ATP1A1: variants seen among roughly 807,000 people sequenced by gnomAD.
ATP1A1 encodes the protein ATPase Na+/K+ transporting subunit alpha 1.
Under a neutral mutation model 114.8 loss-of-function variants are expected in ATP1A1, and 14 were observed. The ratio of observed to expected loss-of-function variants is 0.12; its 90% CI spans 0.08 to 0.19. The LOEUF is 0.19. Among genes scored for constraint, ATP1A1 ranks in the 10% least tolerant of loss-of-function variants. ATP1A1 has a pLI of 1.00. For missense variants in ATP1A1, 524 were observed against 1,290.7 expected, an observed-to-expected ratio of 0.41 and a Z score of 9.10; for synonymous variants, 471 against 466.3, an observed-to-expected ratio of 1.01 and a Z score of -0.13.
Position 116,388,674 on chromosome 1 carries a change from A to G in ATP1A1, c.538A>G (p.Ile180Val), listed in dbSNP as rs1476953195. The G allele has an allele frequency of 3.1e-6, 5 of 1,614,248 alleles. No individual in the cohort carries two copies. The East Asian group carries it at 8.9e-5, about 29-fold the overall frequency. The change falls in exon 6 of 23, where the codon ATA (isoleucine) becomes GTA (valine). Residue 180 changes from isoleucine to valine, a missense_variant. Physicochemically the swap from Ile to Val is conservative, Grantham distance 29. Coordinates refer to ENST00000295598, the MANE Select transcript of ATP1A1 (RefSeq NM_000701.8). The surrounding 1 kb of genome is among the most constrained non-coding windows in gnomAD (Gnocchi z 5.6). ...GATTCGAAATGGTGAGAAAATGAGCATAAATGCGGAGGAAGTTGTGGTTGG... is the reference window on the plus strand; with the variant it reads ...GATTCGAAATGGTGAGAAAATGAGCGTAAATGCGGAGGAAGTTGTGGTTGG... ...LVIRNGEKMSINAEEVVVGDL... is the reference protein window; with the variant it reads ...LVIRNGEKMSVNAEEVVVGDL...
At chr1:116,374,298 G>A in intron 1 of ATP1A1, 1 of 1,550,276 alleles carries the variant, frequency 6.5e-7, no homozygotes. Context: ...TGCACCGATG[G>A]CAACTGGAGT....
chr1:116,397,978 A>G lies in ATP1A1; in HGVS notation c.2064A>G (p.Ile688Met). The G allele has an allele frequency of 6.2e-7, 1 of 1,613,930 alleles. No individual in the cohort carries two copies. The highest frequency in any genetic ancestry group is 8.5e-7 in the Non-Finnish European group (1 of 1,180,008). ...ACATTTTGAAGTACCACACTGAGAT[A>G]GTGTTTGCCAGGACCTCCCCTCAGC... Reference protein sequence around the residue: ...LDDILKYHTEIVFARTSPQQK... With the variant: ...LDDILKYHTEMVFARTSPQQK... Residue 688 changes from isoleucine to methionine, a missense_variant, in exon 15 of 23, where the codon ATA (isoleucine) becomes ATG (methionine). By Grantham distance (10) the Ile-to-Met change is conservative. This residue lies in a region of ATP1A1 where 47 missense variants were observed against 79.8 expected (regional missense o/e 0.59). Transcript: ENST00000295598. This position sits in a 1 kb window ranked among gnomAD's most constrained non-coding sequence, Gnocchi z 4.2.
intron 1 of ATP1A1, chr1:116,374,021 G>GCC (rs1291007619): frequency 2.4e-5 from 31 of 1,281,910 alleles, no homozygotes; most frequent in Non-Finnish European, 2.0e-5. Context: ...CTCCGCCGGG[G>GCC]CCTCCTCCCG....
intron 3 of ATP1A1, chr1:116,386,159 G>GAAAA (rs1553190495): frequency 1.4e-4 from 16 of 111,506 alleles, no homozygotes; most frequent in Non-Finnish European, 3.1e-4. Context: ...AAAAAAAAAG[G>GAAAA]AGAGAAGAAC....
chr1:116,401,411 C>G lies in ATP1A1; in HGVS notation c.2850-143C>G. 1 of 1,474,230 alleles carries G rather than the reference C, an allele frequency of 6.8e-7. No homozygotes were observed. The highest frequency in any genetic ancestry group is 1.4e-5 in the African/African-American group (1 of 70,942). The allele number at this position is 1,474,230 out of a possible 1,614,324, so 91.3% of individuals were successfully genotyped here. A position where few individuals can be genotyped will look rare whatever the true frequency, so the allele number is the denominator to read the frequency against. Reference sequence around the variant, plus strand: ...CAAATTTAGGAAGCAAGAAATGTAGCTTTCTAGTTTTTTCATCTGACCTCC... The same window carrying G: ...CAAATTTAGGAAGCAAGAAATGTAGGTTTCTAGTTTTTTCATCTGACCTCC... On this transcript the variant is annotated intron_variant, in intron 20 of 22. Coordinates refer to ENST00000295598, the MANE Select transcript of ATP1A1 (RefSeq NM_000701.8). This position sits in a 1 kb window ranked among gnomAD's most constrained non-coding sequence, Gnocchi z 4.7.
chr1:116,374,199 G>A (rs1651197547), intron 1 of ATP1A1: 1 of 1,550,912 alleles, frequency 6.4e-7, no homozygotes, highest in Non-Finnish European at 8.7e-7. Flanking sequence ...GCGGGCTGGT[G>A]CCAGAAAGGG....
chr1:116,386,152 A>T (rs1475899425), intron 3 of ATP1A1: 1 of 151,876 alleles, frequency 6.6e-6, no homozygotes, highest in African/African-American at 2.5e-5. Context: ...AAAAAAAAAA[A>T]AAAAAGGAGA....
chr1:116,403,333 G>C (rs930313988), intron 21 of ATP1A1, among the ~76,000 whole-genome samples: 5 of 152,144 alleles, frequency 3.3e-5, no homozygotes, highest in African/African-American at 9.7e-5. Flanking sequence ...TCAGCCTCCA[G>C]GCCCCTTGGA....
At position 116,386,549 on chromosome 1, in the gene ATP1A1, A is replaced by AT. The variant is rs959338846; in HGVS notation, c.184-729dup. On this transcript the variant is annotated intron_variant, in intron 3 of 22. Coordinates refer to ENST00000295598, the MANE Select transcript of ATP1A1 (RefSeq NM_000701.8). ...TAGATACTTTAGACAAAAATATTTT[A>AT]TTTTTTTTTTGACTTGTTATTTTGA... 2.3e-4 allele frequency among the ~76,000 whole-genome samples: 34 copies of AT among 149,940 alleles called. 1 individual carries two copies. The South Asian group carries it at 4.4e-3, about 20-fold the overall frequency.
In ATP1A1 at chr1:116,399,137, T is replaced by G; in HGVS notation, c.2448+53T>G. ...TAGTAGTGAGGTGTGAGCTGTGTCT[T>G]CATTCACTGGCACTATGCTCCCAGC... is the stretch of plus-strand genomic sequence containing the variant. On this transcript the variant is annotated intron_variant, in intron 17 of 22. Coordinates refer to ENST00000295598, the MANE Select transcript of ATP1A1 (RefSeq NM_000701.8). This position sits in a 1 kb window ranked among gnomAD's most constrained non-coding sequence, Gnocchi z 5.0. The G allele has an allele frequency of 6.2e-7, 1 of 1,607,648 alleles. No individual in the cohort carries two copies. The highest frequency in any genetic ancestry group is 8.5e-7 in the Non-Finnish European group (1 of 1,174,804).
chr1:116,398,844 A>C lies in ATP1A1; in HGVS notation c.2293+55A>C, dbSNP rs113806974. ...TCTTATTCAGATACTGCCCATTAGC[A>C]TCCATTTCTGTATACTTCTTGGATA... On this transcript the variant is annotated intron_variant, in intron 16 of 22. Coordinates refer to ENST00000295598, the MANE Select transcript of ATP1A1 (RefSeq NM_000701.8). The surrounding 1 kb of genome is among the most constrained non-coding windows in gnomAD (Gnocchi z 6.1). The C allele has an allele frequency of 1.3e-3, 2,040 of 1,609,854 alleles. 33 individuals carry two copies. The African/African-American group carries it at 0.024, about 19-fold the overall frequency.
rs112320858 is a variant in ATP1A1 at position 116,380,929 on chromosome 1, G to GA, written c.13-3074dup. On this transcript the variant is annotated intron_variant, in intron 1 of 22. Coordinates refer to ENST00000295598, the MANE Select transcript of ATP1A1 (RefSeq NM_000701.8). Reference sequence around the variant, plus strand: ...ACTTCCTAAATTAGAATGGAAGGGGGAAAAAAAAAAACCATAACCCAACTT... The same window carrying GA: ...ACTTCCTAAATTAGAATGGAAGGGGGAAAAAAAAAAAACCATAACCCAACTT... Among the ~76,000 whole-genome samples the GA allele has an allele frequency of 3.2e-3, 464 of 144,760 alleles. 7 individuals carry two copies. The highest frequency in any genetic ancestry group is 2.8e-3 in the East Asian group (14 of 5,038). The allele number at this position is 144,760 out of a possible 152,430, so 95.0% of individuals were successfully genotyped here. A position where few individuals can be genotyped will look rare whatever the true frequency, so the allele number is the denominator to read the frequency against.
chr1:116,389,867 G>T lies in ATP1A1; in HGVS notation c.1023+160G>T. The T allele has an allele frequency of 9.1e-7, 1 of 1,096,448 alleles. No homozygotes were observed. The highest frequency in any genetic ancestry group is 1.3e-6 in the Non-Finnish European group (1 of 785,442). The allele number at this position is 1,096,448 out of a possible 1,614,324, so 67.9% of individuals were successfully genotyped here. On this transcript the variant is annotated intron_variant, in intron 8 of 22. Transcript: ENST00000295598. This position sits in a 1 kb window ranked among gnomAD's most constrained non-coding sequence, Gnocchi z 6.9. ...ATCACGTGGTGAATTTTGACAGTGAGAAAACCTCAGCATTTGTTTATACGT... is the reference window on the plus strand; with the variant it reads ...ATCACGTGGTGAATTTTGACAGTGATAAAACCTCAGCATTTGTTTATACGT...
chr1:116,397,891 T>C lies in ATP1A1; in HGVS notation c.1977T>C (p.Asp659=), dbSNP rs1317814404. ...TTTTTTTTTGTCCTAATTCTAGGGATGCCAAGGCCTGCGTAGTACACGGCA... is the reference window on the plus strand; with the variant it reads ...TTTTTTTTTGTCCTAATTCTAGGGACGCCAAGGCCTGCGTAGTACACGGCA... ...NIPVSQVNPR[D]AKACVVHGSD... Residue 659 remains aspartate (D), a synonymous_variant, in exon 15 of 23, where the codon GAT becomes GAC. Transcript: ENST00000295598. This position sits in a 1 kb window ranked among gnomAD's most constrained non-coding sequence, Gnocchi z 4.2. The C allele has an allele frequency of 1.3e-6, 2 of 1,599,860 alleles. No individual in the cohort carries two copies. The highest frequency in any genetic ancestry group is 1.7e-6 in the Non-Finnish European group (2 of 1,175,800).
chr1:116,389,883 G>A lies in ATP1A1; in HGVS notation c.1023+176G>A. 1 of 988,010 alleles carries A rather than the reference G, an allele frequency of 1.0e-6. No individual in the cohort carries two copies. The highest frequency in any genetic ancestry group is 1.5e-6 in the Non-Finnish European group (1 of 687,832). 61.2% of individuals were successfully genotyped at this position (988,010 alleles called of 1,614,324 possible). On this transcript the variant is annotated intron_variant, in intron 8 of 22. Transcript: ENST00000295598. The surrounding 1 kb of genome is among the most constrained non-coding windows in gnomAD (Gnocchi z 6.9). ...TGACAGTGAGAAAACCTCAGCATTT[G>A]TTTATACGTAAGATAACCCCAAAGC...
In ATP1A1 at chr1:116,387,522, TA is replaced by T. The variant is rs1652179972; in HGVS notation, c.387+32del. 5 of 1,607,734 alleles carry T rather than the reference TA, an allele frequency of 3.1e-6. No individual in the cohort carries two copies. Among genetic ancestry groups the T allele is most frequent in the Non-Finnish European group, 4.3e-6 (5 of 1,174,458 alleles). Reference sequence around the variant, plus strand: ...TTCTGTAATTCAGCATATGGATTTGTAGTACACATCAGATATCTTCTCCGTC... The same window carrying T: ...TTCTGTAATTCAGCATATGGATTTGTGTACACATCAGATATCTTCTCCGTC... On this transcript the variant is annotated intron_variant, in intron 4 of 22. Transcript: ENST00000295598. This position sits in a 1 kb window ranked among gnomAD's most constrained non-coding sequence, Gnocchi z 6.7.
At position 116,389,950 on chromosome 1, in the gene ATP1A1, C is replaced by A; in HGVS notation, c.1023+243C>A. 1.5e-6 allele frequency: 1 copy of A among 680,062 alleles called. No individual in the cohort carries two copies. Among genetic ancestry groups the A allele is most frequent in the Non-Finnish European group, 2.4e-6 (1 of 412,014 alleles). The allele number at this position is 680,062 out of a possible 1,614,324, so 42.1% of individuals were successfully genotyped here. ...AATTATCACGTGGTCCTGAACAGTGCAGTGGAGAAAGGAGAAGAACTTGGG... is the reference window on the plus strand; with the variant it reads ...AATTATCACGTGGTCCTGAACAGTGAAGTGGAGAAAGGAGAAGAACTTGGG... On this transcript the variant is annotated intron_variant, in intron 8 of 22. Transcript: ENST00000295598. The surrounding 1 kb of genome is among the most constrained non-coding windows in gnomAD (Gnocchi z 6.9).
chr1:116,373,839 G>A (rs1005153699), intron 1 of ATP1A1: 42 of 1,218,294 alleles, frequency 3.4e-5, no homozygotes, highest in Non-Finnish European at 4.1e-5. Flanking sequence ...TGCTTGGGAA[G>A]CCTCGGGGCC....
At position 116,373,318 on chromosome 1, in the gene ATP1A1, G is replaced by GGGCGGCGGCAGCAACAGC. The variant is rs1553188793; in HGVS notation, c.-183_-166dup. On this transcript the variant is annotated 5_prime_UTR_variant, in exon 1 of 23. Coordinates refer to ENST00000295598, the MANE Select transcript of ATP1A1 (RefSeq NM_000701.8). ...CACGTGGCAACAGCGGTAGCAGCCC[G>GGGCGGCGGCAGCAACAGC]GGCGGCGGCAGCAACAGCGGCGGCG... The GGGCGGCGGCAGCAACAGC allele has an allele frequency of 2.6e-5, 12 of 463,922 alleles. No individual in the cohort carries two copies. The East Asian group carries it at 3.0e-4, about 12-fold the overall frequency. The allele number at this position is 463,922 out of a possible 1,614,324, so 28.7% of individuals were successfully genotyped here. A position where few individuals can be genotyped will look rare whatever the true frequency, so the allele number is the denominator to read the frequency against.
Sources: gnomAD v4.1 joint callset for allele counts (sites outside exome capture counted in the v4.1 genomes callset) on GRCh38, gnomAD v4.1.1 for gene constraint, gnomAD v4.1.1 regional missense constraint, Gnocchi (gnomAD v3.1) non-coding constraint, MANE v1.5 for transcripts, NCBI Gene and HGNC (gene_info 2026-07-23, HGNC 2026-07-21) for gene names.